Variants in BMS1 observed in about 807,000 individuals in gnomAD.
BMS1 encodes the protein BMS1 ribosome biogenesis factor, also known as ribosome biogenesis protein BMS1 homolog.
BMS1 carries 53 observed loss-of-function variants against 138.7 expected under a neutral mutation model. The observed-to-expected ratio is 0.38, with a 90% CI of 0.31 to 0.48. The LOEUF is 0.48. BMS1 is among the 20% of genes least tolerant of loss of function. The pLI is 0.97. For synonymous variants in BMS1, 504 were observed against 539.9 expected (o/e 0.93, Z 0.92); for missense variants, 1,360 against 1,565.5 (o/e 0.87, Z 2.22).
chr10:42,830,564 C>T (rs1842774230), intron 22 of BMS1, 142 bp downstream of exon 22: 3 of 1,185,146 alleles, frequency 2.5e-6, no homozygotes, highest in Non-Finnish European at 3.5e-6. Context: ...GTCCATTTCC[C>T]TTTCTTTGCC....
At chr10:42,830,238 A>C in intron 21 of BMS1, 23 bp from the exon 22 acceptor site, 2 of 1,607,706 alleles carry the variant, frequency 1.2e-6, no homozygotes, top group Non-Finnish European at 1.7e-6. Context: ...TGAATATGTC[A>C]CAGTCTTTGT....
Position 42,796,543 on chromosome 10 carries a change from C to G in BMS1, c.1299C>G (p.Phe433Leu). 1 of 1,614,048 alleles carries G rather than the reference C, an allele frequency of 6.2e-7. No homozygotes were observed. Residue 433 changes from phenylalanine to leucine, a missense_variant, in exon 10 of 23, where the codon TTC becomes TTG. Physicochemically the swap from Phe to Leu is conservative, Grantham distance 22. Coordinates refer to ENST00000374518, the MANE Select transcript of BMS1 (RefSeq NM_014753.4). ...GTCGAATGCGTCGGAAAGCCATTTT[C>G]GGAGATGAAGATGAATCTGGAGATA... ...NTGRMRRKAI[F>L]GDEDESGDSD... is the part of the protein sequence containing the mutation.
intron 13 of BMS1, among the ~76,000 whole-genome samples, chr10:42,816,224 G>A (rs1388993982): frequency 1.4e-4 from 22 of 152,042 alleles, no homozygotes; most frequent in Non-Finnish European, 2.2e-4. Context: ...GCTTGAACCC[G>A]GGAGGCGGAG....
intron 13 of BMS1, among the ~76,000 whole-genome samples, chr10:42,804,510 G>A (rs574343276): frequency 2.0e-5 from 3 of 152,018 alleles, no homozygotes; most frequent in Non-Finnish European, 2.9e-5. Flanking sequence ...CTTATTTGCC[G>A]TCTGTGTCTT....
At chr10:42,788,970 AAT>A (rs1394221326) in intron 4 of BMS1, among the ~76,000 whole-genome samples, 1 of 152,206 alleles carries the variant, frequency 6.6e-6, no homozygotes, top group Non-Finnish European at 1.5e-5. Flanking sequence ...TCTCCTTTTT[AAT>A]ATAATATTCC....
At chr10:42,816,477 A>G (rs1842352909) in intron 13 of BMS1, 122 bp from the exon 14 acceptor site, 1 of 668,702 alleles carries the variant, frequency 1.5e-6, no homozygotes. Context: ...CTGTGTGTGT[A>G]GTGACAGGAA....
At chr10:42,799,775 G>C (rs1841812110) in intron 12 of BMS1, among the ~76,000 whole-genome samples, 1 of 152,166 alleles carries the variant, frequency 6.6e-6, no homozygotes, top group Non-Finnish European at 1.5e-5. Context: ...TTAAGGTGAT[G>C]CTTTCCTTTT....
At chr10:42,797,272 C>T in intron 10 of BMS1, 41 bp downstream of exon 10, 1 of 1,580,836 alleles carries the variant, frequency 6.3e-7, no homozygotes, top group Non-Finnish European at 8.6e-7. Context: ...GAACTTGGCT[C>T]TCGAAATGGT....
chr10:42,787,264 A>G lies in BMS1; in HGVS notation c.447+17A>G. ...GCAGATCTGGTAAGTGAGCAGGGGC[A>G]GCCTGGGGTGCTGATGGAGACTTAC... On this transcript the variant is annotated intron_variant, in intron 4 of 22. Transcript: ENST00000374518. 3.3e-6 allele frequency: 3 copies of G among 922,848 alleles called. No homozygotes were observed. The highest frequency in any genetic ancestry group is 5.2e-6 in the Non-Finnish European group (3 of 578,578). The allele number at this position is 922,848 out of a possible 1,614,324, so 57.2% of individuals were successfully genotyped here.
At chr10:42,829,040 G>C (rs1842732444) in intron 21 of BMS1, among the ~76,000 whole-genome samples, 1 of 152,152 alleles carries the variant, frequency 6.6e-6, no homozygotes, top group Non-Finnish European at 1.5e-5. Context: ...CAAGATAGGA[G>C]AAACTTGTTC....
chr10:42,812,314 T>A (rs1167381701), intron 13 of BMS1, among the ~76,000 whole-genome samples: 1 of 152,208 alleles, frequency 6.6e-6, no homozygotes, highest in Non-Finnish European at 1.5e-5. Flanking sequence ...CTTGGCTAAA[T>A]TCAAAATTTT....
intron 13 of BMS1, among the ~76,000 whole-genome samples, chr10:42,815,418 C>A (rs985737154): frequency 6.6e-6 from 1 of 152,010 alleles, no homozygotes; most frequent in African/African-American, 2.4e-5. Flanking sequence ...AGGTTTATTC[C>A]TATTTTATCC....
At chr10:42,829,153 A>T (rs1307763510) in intron 21 of BMS1, among the ~76,000 whole-genome samples, 2 of 152,164 alleles carry the variant, frequency 1.3e-5, no homozygotes, top group African/African-American at 4.8e-5. Context: ...TCCACTAAAA[A>T]TACAAAAAAT....
In BMS1 at chr10:42,798,477, A is replaced by G. The variant is rs756720304; in HGVS notation, c.2099A>G (p.Asp700Gly). ...ATGGTGTGCTCTTTAGTGACAGAAG[A>G]TAATGAAGAAGAAGATGATGATACT... ...RKLIYGTVTE[D>G]NEEEDDDTLE... The change falls in exon 12 of 23, where the codon GAT becomes GGT. Residue 700 changes from aspartate (D) to glycine (G), a missense_variant. Asp to Gly is a moderately conservative substitution (Grantham distance 94). This residue lies in a region of BMS1 where 697 missense variants were observed against 686.2 expected (regional missense o/e 1.02). Coordinates refer to ENST00000374518, the MANE Select transcript of BMS1 (RefSeq NM_014753.4). 1 of 1,614,208 alleles carries G rather than the reference A, an allele frequency of 6.2e-7. No individual in the cohort carries two copies. The highest frequency in any genetic ancestry group is 1.1e-5 in the South Asian group (1 of 91,084).
At chr10:42,798,213 C>G (rs1841750342) in intron 11 of BMS1, among the ~76,000 whole-genome samples, 1 of 152,206 alleles carries the variant, frequency 6.6e-6, no homozygotes, top group Admixed American at 6.5e-5. Flanking sequence ...TATTCTCACT[C>G]CTCGGCCTCT....
intron 13 of BMS1, among the ~76,000 whole-genome samples, chr10:42,813,520 C>T (rs1842249066): frequency 6.6e-6 from 1 of 152,110 alleles, no homozygotes; most frequent in Non-Finnish European, 1.5e-5. Context: ...GCATTTATGT[C>T]TCTTTACCTT....
At chr10:42,786,334 A>T (rs574282246) in intron 3 of BMS1, among the ~76,000 whole-genome samples, 1 of 152,362 alleles carries the variant, frequency 6.6e-6, no homozygotes, top group African/African-American at 2.4e-5. Flanking sequence ...TTCCAGTGGT[A>T]GAATGGCAAT....
chr10:42,809,879 A>G (rs928095942), intron 13 of BMS1, among the ~76,000 whole-genome samples: 2 of 150,878 alleles, frequency 1.3e-5, no homozygotes, highest in Admixed American at 6.6e-5. Flanking sequence ...TCGACCTCCT[A>G]TGCTCCAGTG....
chr10:42,790,542 CA>C lies in BMS1; in HGVS notation c.636+32del, dbSNP rs371552963. 2.6e-5 allele frequency: 42 copies of C among 1,604,954 alleles called. No individual in the cohort carries two copies. In the African/African-American group the frequency reaches 5.5e-4, roughly 21 times the overall value. On this transcript the variant is annotated intron_variant, in intron 5 of 22. Transcript: ENST00000374518. ...AAGAGAAATAATTGTTGGATACTAA[CA>C]GTATAATCCTTTTAAAATAGACTGA...
Sources: allele counts gnomAD v4.1 joint callset (sites outside exome capture counted in the v4.1 genomes callset), GRCh38; gene constraint gnomAD v4.1.1; regional missense constraint gnomAD v4.1.1; transcripts MANE v1.5; gene names NCBI Gene and HGNC (gene_info 2026-07-23, HGNC 2026-07-21).